Variants in MAP3K7 observed in about 807,000 individuals in gnomAD.
MAP3K7 encodes mitogen-activated protein kinase kinase kinase 7, also known as TGF-beta activated kinase 1.
Under a neutral mutation model 84.8 loss-of-function variants are expected in MAP3K7, and 21 were observed. The observed-to-expected ratio is 0.25, with a 90% CI of 0.18 to 0.36. The LOEUF is 0.36. Ranked by LOEUF, MAP3K7 falls within the 10% of genes least tolerant of loss-of-function variation. The probability of loss-of-function intolerance (pLI) is 1.00; values close to 1 mark genes in which losing one functional copy is unlikely to be tolerated. For synonymous variants in MAP3K7, 241 were observed against 247.7 expected, an observed-to-expected ratio of 0.97 and a Z score of 0.25; for missense variants, 503 against 747.7, an observed-to-expected ratio of 0.67 and a Z score of 3.82.
At chr6:90,546,521 TC>T (rs1776006086) in intron 11 of MAP3K7, among the ~76,000 whole-genome samples, 1 of 151,932 alleles carries the variant, frequency 6.6e-6, no homozygotes, top group Non-Finnish European at 1.5e-5. Flanking sequence ...TAAAATCAGC[TC>T]CCCCTGATCC....
At chr6:90,574,209 G>A (rs143598543) in intron 1 of MAP3K7, among the ~76,000 whole-genome samples, 5 of 152,278 alleles carry the variant, frequency 3.3e-5, no homozygotes, top group African/African-American at 1.2e-4. Context: ...ATACTACAAA[G>A]AACAGTAAGT....
intron 1 of MAP3K7, 50 bp from the exon 2 acceptor site, chr6:90,571,857 G>T (rs770135076): frequency 9.9e-7 from 1 of 1,012,724 alleles, no homozygotes; most frequent in Admixed American, 2.2e-5. Flanking sequence ...CACAAGAATC[G>T]GAATCAAATA....
chr6:90,548,038 A>AT lies in MAP3K7; in HGVS notation c.1080+8dup, dbSNP rs751863433. On this transcript the variant is annotated intron_variant, in intron 10 of 16. Transcript: ENST00000369329. ...GGTTACCAGTTTTACTTGTAATAACATAACAAACCTGTTGCTTTGCCTGAT... is the reference window on the plus strand; with the variant it reads ...GGTTACCAGTTTTACTTGTAATAACATTAACAAACCTGTTGCTTTGCCTGAT... 1.2e-6 allele frequency: 2 copies of AT among 1,606,712 alleles called. No homozygotes were observed. Among genetic ancestry groups the AT allele is most frequent in the Non-Finnish European group, 1.7e-6 (2 of 1,177,134 alleles).
chr6:90,562,090 C>A (rs572796373), intron 3 of MAP3K7, among the ~76,000 whole-genome samples: 74 of 152,282 alleles, frequency 4.9e-4, no homozygotes, highest in Non-Finnish European at 8.2e-4. Context: ...GATAGCAGAT[C>A]AAAATAGCTA....
In MAP3K7 at chr6:90,562,361, G is replaced by C. The variant is rs150112258; in HGVS notation, c.298-694C>G. ...GTGACAGATGGTACCTGGAAAATTG[G>C]AACACTCCCACCCTAACACTGTGCT... On this transcript the variant is annotated intron_variant, in intron 3 of 16. Transcript: ENST00000369329. Among the ~76,000 whole-genome samples the C allele has an allele frequency of 2.6e-5, 4 of 152,242 alleles. No individual in the cohort carries two copies. The East Asian group carries it at 7.7e-4, about 29-fold the overall frequency.
chr6:90,560,297 C>A, intron 4 of MAP3K7, 83 bp from the exon 5 acceptor site: 1 of 1,391,408 alleles, frequency 7.2e-7, no homozygotes, highest in Non-Finnish European at 1.0e-6. Context: ...TATCAGAACA[C>A]ATGACTGGGT....
At chr6:90,526,732 T>TA (rs1466747344) in intron 13 of MAP3K7, among the ~76,000 whole-genome samples, 2 of 151,778 alleles carry the variant, frequency 1.3e-5, no homozygotes, top group Non-Finnish European at 1.5e-5. Flanking sequence ...ACACATTCTT[T>TA]AAAAAAAAGT....
intron 11 of MAP3K7, among the ~76,000 whole-genome samples, chr6:90,546,194 T>C (rs1775995268): frequency 6.6e-6 from 1 of 152,280 alleles, no homozygotes; most frequent in African/African-American, 2.4e-5. Context: ...ATAAAATCAA[T>C]GATCATGATT....
chr6:90,569,340 C>T (rs1261265124), intron 2 of MAP3K7, among the ~76,000 whole-genome samples: 2 of 152,180 alleles, frequency 1.3e-5, no homozygotes, highest in East Asian at 3.9e-4. Context: ...TAATCCCAAC[C>T]TGAACTGCTG....
intron 13 of MAP3K7, among the ~76,000 whole-genome samples, chr6:90,530,891 G>C (rs1469112040): frequency 2.0e-5 from 3 of 152,064 alleles, no homozygotes; most frequent in Admixed American, 6.6e-5. Flanking sequence ...TAAAATCACT[G>C]GTAAAATTCT....
intron 3 of MAP3K7, among the ~76,000 whole-genome samples, chr6:90,565,647 G>C (rs1022179030): frequency 6.6e-6 from 1 of 152,108 alleles, no homozygotes; most frequent in Non-Finnish European, 1.5e-5. Flanking sequence ...AAGAGGAGCT[G>C]GTACCATTCC....
rs957757266 is a variant in MAP3K7 at position 90,548,442 on chromosome 6, G to A, written c.950-265C>T. ...TAACCTGAGCTAGTAGAAGAACTGAGGGCTATTAATTGAGATGCGGAAAGA... is the reference window on the plus strand; with the variant it reads ...TAACCTGAGCTAGTAGAAGAACTGAAGGCTATTAATTGAGATGCGGAAAGA... On this transcript the variant is annotated intron_variant, in intron 9 of 16. Transcript: ENST00000369329. Among the ~76,000 whole-genome samples the A allele has an allele frequency of 3.3e-5, 5 of 152,126 alleles. No individual in the cohort carries two copies. In the South Asian group the frequency reaches 8.3e-4, roughly 25 times the overall value.
intron 13 of MAP3K7, 35 bp downstream of exon 13, chr6:90,536,302 T>G: frequency 6.5e-7 from 1 of 1,546,132 alleles, no homozygotes; most frequent in South Asian, 1.1e-5. Context: ...CTGCCTAGTA[T>G]TCTTCAAAGA....
chr6:90,529,342 T>C (rs773227801), intron 13 of MAP3K7, among the ~76,000 whole-genome samples: 13 of 148,986 alleles, frequency 8.7e-5, no homozygotes, highest in Non-Finnish European at 2.0e-4. Flanking sequence ...GTTTTTGTAG[T>C]TGAAAACTCA....
At position 90,515,584 on chromosome 6, in the gene MAP3K7, C is replaced by G. The variant is rs762120771; in HGVS notation, c.*917G>C. On this transcript the variant is annotated 3_prime_UTR_variant, in exon 17 of 17. Coordinates refer to ENST00000369329, the MANE Select transcript of MAP3K7 (RefSeq NM_145331.3). Reference sequence around the variant, plus strand: ...AAATCTAAGTCCAAGCTTTTTTTAGCTGGAGTAATTACTTCCATTTTCCAT... The same window carrying G: ...AAATCTAAGTCCAAGCTTTTTTTAGGTGGAGTAATTACTTCCATTTTCCAT... 3 of 150,416 alleles carry G rather than the reference C, an allele frequency of 2.0e-5. No homozygotes were observed. The highest frequency in any genetic ancestry group is 4.4e-5 in the Non-Finnish European group (3 of 67,606). The allele number at this position is 150,416 out of a possible 1,614,324, so 9.3% of individuals were successfully genotyped here. A position where few individuals can be genotyped will look rare whatever the true frequency, so the allele number is the denominator to read the frequency against.
intron 5 of MAP3K7, 114 bp from the exon 6 acceptor site, chr6:90,556,738 T>C (rs1420710192): frequency 1.9e-6 from 2 of 1,049,868 alleles, no homozygotes; most frequent in East Asian, 2.7e-5. Flanking sequence ...AATGTTATCA[T>C]TCAACTTCTG....
rs1386536301 is a variant in MAP3K7 at position 90,587,001 on chromosome 6, C to T, written c.-118G>A. 11 of 1,243,566 alleles carry T rather than the reference C, an allele frequency of 8.8e-6. No individual in the cohort carries two copies. The South Asian group carries it at 1.6e-4, about 18-fold the overall frequency. The allele number at this position is 1,243,566 out of a possible 1,614,324, so 77.0% of individuals were successfully genotyped here. A position where few individuals can be genotyped will look rare whatever the true frequency, so the allele number is the denominator to read the frequency against. ...CCTGGAGCCGCGCAGTCCTACTACCCGGCGATCCGTGGCGGGGGTAGAGGC... is the reference window on the plus strand; with the variant it reads ...CCTGGAGCCGCGCAGTCCTACTACCTGGCGATCCGTGGCGGGGGTAGAGGC... On this transcript the variant is annotated 5_prime_UTR_variant, in exon 1 of 17. Coordinates refer to ENST00000369329, the MANE Select transcript of MAP3K7 (RefSeq NM_145331.3).
At position 90,586,755 on chromosome 6, in the gene MAP3K7, C is replaced by G. The variant is rs570076220; in HGVS notation, c.120+9G>C. On this transcript the variant is annotated intron_variant, in intron 1 of 16. Coordinates refer to ENST00000369329, the MANE Select transcript of MAP3K7 (RefSeq NM_145331.3). ...CGGGACCGGCGTCTCCATGCCGGGC[C>G]TCGCTCACCTCTTCCACCTCGATCT... 4 of 1,580,196 alleles carry G rather than the reference C, an allele frequency of 2.5e-6. No individual in the cohort carries two copies. Among genetic ancestry groups the G allele is most frequent in the Non-Finnish European group, 3.4e-6 (4 of 1,163,086 alleles).
intron 1 of MAP3K7, among the ~76,000 whole-genome samples, chr6:90,574,446 T>C (rs1235651351): frequency 6.6e-6 from 1 of 152,102 alleles, no homozygotes; most frequent in Non-Finnish European, 1.5e-5. Flanking sequence ...CTAAGATGAA[T>C]AGCAAGCAGG....
Sources: gnomAD v4.1 joint callset for allele counts (sites outside exome capture counted in the v4.1 genomes callset) on GRCh38, gnomAD v4.1.1 for gene constraint, MANE v1.5 for transcripts, NCBI Gene and HGNC (gene_info 2026-07-23, HGNC 2026-07-21) for gene names.